The following FIG4 variants were observed in gnomAD, a reference collection of about 807,000 sequenced individuals.
The protein encoded by FIG4 is polyphosphoinositide phosphatase.
FIG4 carries 112 observed loss-of-function variants against 118.6 expected under a neutral mutation model. The observed-to-expected ratio is 0.94, with a 90% CI of 0.81 to 1.11. The LOEUF (loss-of-function observed/expected upper bound fraction) is 1.11. FIG4 is among the 50% of genes least tolerant of loss of function. The pLI, the probability that FIG4 is intolerant of heterozygous loss-of-function variation, is 0.00. For synonymous variants in FIG4, 369 were observed against 381.2 expected (o/e 0.97, Z 0.37); for missense variants, 969 against 1,111.7 (o/e 0.87, Z 1.83).
At chr6:109,726,408 G>T (rs1321407945) in intron 3 of FIG4, among the ~76,000 whole-genome samples, 1 of 152,166 alleles carries the variant, frequency 6.6e-6, no homozygotes, top group Non-Finnish European at 1.5e-5. Context: ...TCAGATGGTT[G>T]TAGATGTGTG....
At chr6:109,807,818 C>T (rs1778609022) in intron 22 of FIG4, among the ~76,000 whole-genome samples, 1 of 152,094 alleles carries the variant, frequency 6.6e-6, no homozygotes, top group Non-Finnish European at 1.5e-5. Flanking sequence ...TTTCAGTTTT[C>T]TACATATGGC....
At chr6:109,792,819 TA>T (rs1778176681) in intron 21 of FIG4, among the ~76,000 whole-genome samples, 155 bp downstream of exon 21, 1 of 147,114 alleles carries the variant, frequency 6.8e-6, no homozygotes, top group African/African-American at 2.5e-5. Flanking sequence ...GGCTCCTGAG[TA>T]GCTGGGATTG....
In FIG4 at chr6:109,716,541, C is replaced by A; in HGVS notation, c.262C>A (p.Arg88=). The A allele has an allele frequency of 6.2e-7, 1 of 1,613,912 alleles. No homozygotes were observed. Among genetic ancestry groups the A allele is most frequent in the Non-Finnish European group, 8.5e-7 (1 of 1,179,846 alleles). ...ACAGAAAGGATCCTCGGGCTTATTT[C>A]GAGCGGTTTCAGCTTTTGGTGTTGT... ...MGQKGSSGLF[R]AVSAFGVVGF... The change falls in exon 3 of 23, where the codon CGA becomes AGA. Residue 88 remains arginine, a synonymous_variant. Coordinates refer to ENST00000230124, the MANE Select transcript of FIG4 (RefSeq NM_014845.6).
At chr6:109,706,897 G>A (rs546526088) in intron 1 of FIG4, among the ~76,000 whole-genome samples, 3 of 152,166 alleles carry the variant, frequency 2.0e-5, no homozygotes, top group African/African-American at 7.2e-5. Context: ...CTTCTTAGGT[G>A]AACGCTGTTA....
rs901787656 is a variant in FIG4, at chr6:109,781,656, G to A, written c.1890-3314G>A. Among the ~76,000 whole-genome samples, 12 of 151,046 alleles carry A rather than the reference G, an allele frequency of 7.9e-5. No individual in the cohort carries two copies. The East Asian group carries it at 1.7e-3, about 22-fold the overall frequency. On this transcript the variant is annotated intron_variant, in intron 16 of 22. Transcript: ENST00000230124. ...CTCCTAAGTCTTTTTAACATGTGCC[G>A]CTGCCACTCTGCCACATCTGTACCA...
rs76305885 is a variant in FIG4 at position 109,731,323 on chromosome 6, G to A, written c.447-1314G>A. Among the ~76,000 whole-genome samples, 429 of 152,274 alleles carry A rather than the reference G, an allele frequency of 2.8e-3. 1 individual carries two copies. Among genetic ancestry groups the A allele is most frequent in the African/African-American group, 9.9e-3 (410 of 41,556 alleles). On this transcript the variant is annotated intron_variant, in intron 4 of 22. Coordinates refer to ENST00000230124, the MANE Select transcript of FIG4 (RefSeq NM_014845.6). ...TGCACGTTATCTATAGTGCACAGTG[G>A]TTCTTGTTTCCGTGTATCTGCCCTA...
At chr6:109,787,572 G>A (rs1324677223) in intron 18 of FIG4, among the ~76,000 whole-genome samples, 1 of 152,126 alleles carries the variant, frequency 6.6e-6, no homozygotes, top group African/African-American at 2.4e-5. Context: ...ATCTTTGACA[G>A]CTTCTTGGAA....
intron 16 of FIG4, 125 bp downstream of exon 16, chr6:109,777,185 A>G (rs1450614280): frequency 1.1e-6 from 1 of 916,566 alleles, no homozygotes; most frequent in East Asian, 2.7e-5. Context: ...AAAATTTTTA[A>G]AATTTTTTGT....
At chr6:109,695,781 G>A (rs1407556589) in intron 1 of FIG4, among the ~76,000 whole-genome samples, 1 of 152,188 alleles carries the variant, frequency 6.6e-6, no homozygotes, top group Non-Finnish European at 1.5e-5. Flanking sequence ...TCAGGATCTT[G>A]ATCTCACTTG....
chr6:109,701,020 A>G (rs1218084933), intron 1 of FIG4, among the ~76,000 whole-genome samples: 1 of 152,236 alleles, frequency 6.6e-6, no homozygotes, highest in Non-Finnish European at 1.5e-5. Flanking sequence ...GCCAGTGGAC[A>G]AGATGGGCTG....
intron 5 of FIG4, among the ~76,000 whole-genome samples, chr6:109,733,828 C>A (rs535328500): frequency 3.4e-4 from 52 of 151,926 alleles, no homozygotes; most frequent in Middle Eastern, 3.4e-3. Context: ...TTAGAAATGG[C>A]CTTCTTCTTC....
At chr6:109,704,045 T>C (rs1420968249) in intron 1 of FIG4, among the ~76,000 whole-genome samples, 1 of 152,166 alleles carries the variant, frequency 6.6e-6, no homozygotes, top group Non-Finnish European at 1.5e-5. Flanking sequence ...CTGAGCTCTT[T>C]TACCCACTGA....
intron 15 of FIG4, among the ~76,000 whole-genome samples, chr6:109,768,722 A>T (rs1220777186): frequency 1.3e-5 from 2 of 152,136 alleles, no homozygotes; most frequent in African/African-American, 4.8e-5. Context: ...TAATAATGGG[A>T]GTGACATCCC....
chr6:109,774,602 T>C (rs1777564720), intron 15 of FIG4, among the ~76,000 whole-genome samples: 1 of 152,076 alleles, frequency 6.6e-6, no homozygotes, highest in East Asian at 1.9e-4. Context: ...CTTGGCAGAG[T>C]ATGGGAGTGC....
intron 6 of FIG4, among the ~76,000 whole-genome samples, chr6:109,737,410 A>C (rs1417681330): frequency 6.6e-6 from 1 of 152,186 alleles, no homozygotes; most frequent in Non-Finnish European, 1.5e-5. Flanking sequence ...GCCTAAAGTC[A>C]CAGAGTAAGT....
At chr6:109,703,707 A>T (rs1019549498) in intron 1 of FIG4, among the ~76,000 whole-genome samples, 4 of 152,124 alleles carry the variant, frequency 2.6e-5, no homozygotes, top group Non-Finnish European at 4.4e-5. Flanking sequence ...TGTCCCTGAG[A>T]CTGCCCACAG....
At chr6:109,733,193 A>G (rs943954212) in intron 5 of FIG4, among the ~76,000 whole-genome samples, 1 of 152,124 alleles carries the variant, frequency 6.6e-6, no homozygotes, top group African/African-American at 2.4e-5. Context: ...AATAACCAGG[A>G]GCAAAAATAC....
chr6:109,785,556 AC>A, intron 17 of FIG4: 1 of 425,732 alleles, frequency 2.3e-6, no homozygotes, highest in East Asian at 7.1e-5. Flanking sequence ...AGTGTATAAT[AC>A]ATTAGAATGA....
At chr6:109,763,433 C>T (rs778148207) in intron 12 of FIG4, among the ~76,000 whole-genome samples, 3 of 152,122 alleles carry the variant, frequency 2.0e-5, no homozygotes, top group Non-Finnish European at 4.4e-5. Flanking sequence ...CCTATGTATT[C>T]ATTGCACATG....
Sources: allele counts gnomAD v4.1 joint callset (sites outside exome capture counted in the v4.1 genomes callset), GRCh38; gene constraint gnomAD v4.1.1; transcripts MANE v1.5; gene names NCBI Gene and HGNC (gene_info 2026-07-23, HGNC 2026-07-21).